Variants in NME2 observed in about 807,000 individuals in gnomAD.
NME2 encodes the protein nucleoside diphosphate kinase B.
Under a neutral mutation model 17.8 loss-of-function variants are expected in NME2, and 18 were observed. The ratio of observed to expected loss-of-function variants is 1.01; its 90% CI spans 0.70 to 1.50. The LOEUF (loss-of-function observed/expected upper bound fraction) is 1.50, where lower values mean the gene tolerates loss of function less well. NME2 is among the 40% of genes most tolerant of loss of function. The pLI, the probability that NME2 is intolerant of heterozygous loss-of-function variation, is 0.00. For synonymous variants in NME2, 74 were observed against 71.4 expected (o/e 1.04, Z -0.19); for missense variants, 161 against 195.6 (o/e 0.82, Z 1.05).
chr17:51,167,205 C>T (rs1016533304), intron 2 of NME2: 17 of 754,860 alleles, frequency 2.3e-5, no homozygotes, highest in Non-Finnish European at 3.1e-5. Flanking sequence ...TTCCCGCGGG[C>T]CGCTACCTGC....
At position 51,169,960 on chromosome 17, in the gene NME2, G is replaced by A; in HGVS notation, c.252G>A (p.Val84=). 1 of 1,613,542 alleles carries A rather than the reference G, an allele frequency of 6.2e-7. No homozygotes were observed. Among genetic ancestry groups the A allele is most frequent in the Non-Finnish European group, 8.5e-7 (1 of 1,179,818 alleles). The change falls in exon 4 of 5, where the codon GTG becomes GTA. Residue 84 remains valine, a synonymous_variant. Transcript: ENST00000512737. ...VAMVWEGLNV[V]KTGRVMLGET... ...AGGTCTGGGAGGGGCTGAACGTGGTGAAGACAGGCCGAGTGATGCTTGGGG... is the reference window on the plus strand; with the variant it reads ...AGGTCTGGGAGGGGCTGAACGTGGTAAAGACAGGCCGAGTGATGCTTGGGG...
intron 3 of NME2, among the ~76,000 whole-genome samples, chr17:51,169,071 T>A (rs776531173): frequency 5.3e-5 from 8 of 152,150 alleles, no homozygotes; most frequent in Non-Finnish European, 8.8e-5. Context: ...AAGGTAAGGA[T>A]GTAAGAAGTT....
chr17:51,166,349 T>A (rs2049935005), upstream of NME2: 1 of 152,292 alleles, frequency 6.6e-6, no homozygotes, highest in African/African-American at 2.4e-5. Flanking sequence ...GGGGCGTTCC[T>A]GCGGGTTGGG....
chr17:51,167,121 CG>C, intron 2 of NME2, 165 bp downstream of exon 2: 9 of 1,447,784 alleles, frequency 6.2e-6, no homozygotes, highest in Non-Finnish European at 8.3e-6. Context: ...GACCCTTTCC[CG>C]GGGTGGTGGG....
chr17:51,168,212 T>G, intron 2 of NME2, 30 bp from the exon 3 acceptor site: 6 of 1,611,474 alleles, frequency 3.7e-6, no homozygotes, highest in Non-Finnish European at 5.1e-6. Context: ...CCAGCTTAGC[T>G]CCTAACTGGT....
rs200352081 is a variant in NME2, at chr17:51,166,808, C to A, written c.-4-19C>A. ...CCAGAGCCTGCGCCCGGGCCCTGAC[C>A]GCACCTCTCGCCCCGCAGGACCATG... On this transcript the variant is annotated intron_variant, in intron 1 of 4. Coordinates refer to ENST00000512737, the MANE Select transcript of NME2 (RefSeq NM_002512.4). The A allele has an allele frequency of 5.7e-5, 91 of 1,601,648 alleles. No individual in the cohort carries two copies. In the African/African-American group the frequency reaches 1.0e-3, roughly 18 times the overall value.
Position 51,170,058 on chromosome 17 carries a change from G to A in NME2, c.341+9G>A, listed in dbSNP as rs760843760. ...TGCATTCAGGTTGGCAGGTAAGTCC[G>A]GGGACAGGAGGGTGGATGACTTTTA... On this transcript the variant is annotated intron_variant, in intron 4 of 4. Transcript: ENST00000512737. The A allele has an allele frequency of 7.9e-5, 127 of 1,598,544 alleles. No individual in the cohort carries two copies. The Admixed American group carries it at 1.2e-3, about 15-fold the overall frequency.
chr17:51,168,269 TACATTG>T lies in NME2; in HGVS notation c.157_162del (p.Ile53_Asp54del), dbSNP rs777622847. ...CTCTGAAGAACACCTGAAGCAGCAC[TACATTG>T]ACCTGAAAGACCGACCATTCTTCCC... On this transcript the variant is annotated inframe_deletion, in exon 3 of 5. Transcript: ENST00000512737. 1.9e-6 allele frequency: 3 copies of T among 1,613,982 alleles called. No homozygotes were observed. The East Asian group carries it at 6.7e-5, about 36-fold the overall frequency.
rs748250752 is a variant in NME2 at position 51,171,640 on chromosome 17, G to A, written c.*36G>A. On this transcript the variant is annotated 3_prime_UTR_variant, in exon 5 of 5. Coordinates refer to ENST00000512737, the MANE Select transcript of NME2 (RefSeq NM_002512.4). ...CAACAGCAGTCTCCTTCAGCACGGCGTGGTGTGTCCCTGGACACAGCTCTT... is the reference window on the plus strand; with the variant it reads ...CAACAGCAGTCTCCTTCAGCACGGCATGGTGTGTCCCTGGACACAGCTCTT... 7.3e-6 allele frequency: 11 copies of A among 1,509,294 alleles called. No individual in the cohort carries two copies. The highest frequency in any genetic ancestry group is 2.3e-5 in the East Asian group (1 of 44,346). 93.5% of individuals were successfully genotyped at this position (1,509,294 alleles called of 1,614,324 possible).
intron 3 of NME2, chr17:51,169,712 C>G: frequency 2.1e-6 from 1 of 468,812 alleles, no homozygotes. Flanking sequence ...TTATCTCTGT[C>G]TCAGCTAAAC....
In NME2 at chr17:51,171,612, A is replaced by T; in HGVS notation, c.*8A>T. On this transcript the variant is annotated 3_prime_UTR_variant, in exon 5 of 5. Transcript: ENST00000512737. ...GACTGGGTCTATGAATAAGAGGTGG[A>T]CACAACAGCAGTCTCCTTCAGCACG... The T allele has an allele frequency of 1.9e-6, 3 of 1,604,718 alleles. No homozygotes were observed. Among genetic ancestry groups the T allele is most frequent in the Non-Finnish European group, 2.6e-6 (3 of 1,171,654 alleles).
intron 4 of NME2, 109 bp downstream of exon 4, chr17:51,170,158 T>C (rs1029271438): frequency 5.4e-5 from 50 of 921,624 alleles, no homozygotes; most frequent in Non-Finnish European, 6.7e-5. Flanking sequence ...TTTTTTTTTT[T>C]TTCTTGAGAC....
chr17:51,166,895 G>T lies in NME2; in HGVS notation c.65G>T (p.Gly22Val), dbSNP rs746028445. The T allele has an allele frequency of 1.2e-6, 2 of 1,613,862 alleles. No individual in the cohort carries two copies. The highest frequency in any genetic ancestry group is 1.7e-6 in the Non-Finnish European group (2 of 1,179,882). ...GACGGCGTGCAGCGCGGCCTGGTGGGCGAGATCATCAAGCGCTTCGAGCAG... is the reference window on the plus strand; with the variant it reads ...GACGGCGTGCAGCGCGGCCTGGTGGTCGAGATCATCAAGCGCTTCGAGCAG... Reference protein sequence around the residue: ...KPDGVQRGLVGEIIKRFEQKG... With the variant: ...KPDGVQRGLVVEIIKRFEQKG... The change falls in exon 2 of 5, where the codon GGC (glycine) becomes GTC (valine). Residue 22 changes from glycine to valine, a missense_variant. Gly to Val is a moderately radical substitution (Grantham distance 109, BLOSUM62 -3). Coordinates refer to ENST00000512737, the MANE Select transcript of NME2 (RefSeq NM_002512.4).
chr17:51,171,714 A>G lies in NME2; in HGVS notation c.*110A>G, dbSNP rs1176359852. The G allele has an allele frequency of 1.5e-5, 12 of 791,776 alleles. No individual in the cohort carries two copies. The South Asian group carries it at 1.7e-4, about 12-fold the overall frequency. The allele number at this position is 791,776 out of a possible 1,614,324, so 49.0% of individuals were successfully genotyped here. A position where few individuals can be genotyped will look rare whatever the true frequency, so the allele number is the denominator to read the frequency against. ...AGGATTGATCATTCTTTTATAGAGC[A>G]TATTTGCCAATAAAGCTTTTGGAAG... On this transcript the variant is annotated 3_prime_UTR_variant, in exon 5 of 5. Transcript: ENST00000512737.
intron 4 of NME2, among the ~76,000 whole-genome samples, chr17:51,170,550 G>A (rs989426256): frequency 4.0e-5 from 6 of 151,800 alleles, no homozygotes; most frequent in African/African-American, 1.5e-4. Context: ...CACTTTGGGA[G>A]GCCGAGATGG....
At chr17:51,167,316 G>C (rs562082110) in intron 2 of NME2, 129 of 316,996 alleles carry the variant, frequency 4.1e-4, no homozygotes, top group Non-Finnish European at 6.8e-4. Context: ...TGGAGGCTTG[G>C]AATCTCCTTT....
At chr17:51,167,179 T>A (rs1006662356) in intron 2 of NME2, 5 of 1,038,768 alleles carry the variant, frequency 4.8e-6, no homozygotes, top group African/African-American at 1.7e-5. Flanking sequence ...TGACTCGCCC[T>A]CCGGGTTTGG....
In NME2 at chr17:51,166,925, G is replaced by T. The variant is rs1200928422; in HGVS notation, c.95G>T (p.Gly32Val). The T allele has an allele frequency of 6.2e-7, 1 of 1,613,810 alleles. No homozygotes were observed. Among genetic ancestry groups the T allele is most frequent in the Middle Eastern group, 1.6e-4 (1 of 6,062 alleles). ...GEIIKRFEQK[G>V]FRLVAMKFLR... Reference sequence around the variant, plus strand: ...ATCATCAAGCGCTTCGAGCAGAAGGGATTCCGCCTCGTGGCCATGAAGTTC... The same window carrying T: ...ATCATCAAGCGCTTCGAGCAGAAGGTATTCCGCCTCGTGGCCATGAAGTTC... The change falls in exon 2 of 5, where the codon GGA becomes GTA. Residue 32 changes from glycine to valine, a missense_variant. Gly to Val is a moderately radical substitution (Grantham distance 109). Transcript: ENST00000512737.
chr17:51,167,562 G>A (rs967467629), intron 2 of NME2, among the ~76,000 whole-genome samples: 2 of 152,182 alleles, frequency 1.3e-5, no homozygotes, highest in African/African-American at 4.8e-5. Context: ...ACCTCTGCCA[G>A]GCAGATGACC....
Sources: gnomAD v4.1 joint callset for allele counts (sites outside exome capture counted in the v4.1 genomes callset) on GRCh38, gnomAD v4.1.1 for gene constraint, MANE v1.5 for transcripts, NCBI Gene and HGNC (gene_info 2026-07-23, HGNC 2026-07-21) for gene names.